Variants in TFAP4 observed in about 807,000 individuals in gnomAD.
The protein encoded by TFAP4 is activating enhancer-binding protein 4.
TFAP4 carries 7 observed loss-of-function variants against 40.4 expected under a neutral mutation model. The observed-to-expected ratio is 0.17, with a 90% CI of 0.10 to 0.33. The LOEUF (loss-of-function observed/expected upper bound fraction) is 0.33, where lower values mean the gene tolerates loss of function less well. Ranked by LOEUF, TFAP4 falls within the 10% of genes least tolerant of loss-of-function variation. TFAP4 has a pLI of 1.00. For missense variants in TFAP4, 374 were observed against 451.1 expected (o/e 0.83, Z 1.55); for synonymous variants, 218 against 181.4 (o/e 1.20, Z -1.62).
rs2052934617 is a variant in TFAP4, at chr16:4,260,252, G to C, written c.667-7C>G. On this transcript the variant is annotated splice_polypyrimidine_tract_variant and splice_region_variant and intron_variant, in intron 5 of 6. Coordinates refer to ENST00000204517, the MANE Select transcript of TFAP4 (RefSeq NM_003223.3). ...GGGCCGGAGGGGGCAGAAGCTGCAAGACAGAGGCCCTCAGCCTTTCTCTCA... is the reference window on the plus strand; with the variant it reads ...GGGCCGGAGGGGGCAGAAGCTGCAACACAGAGGCCCTCAGCCTTTCTCTCA... 1 of 1,559,886 alleles carries C rather than the reference G, an allele frequency of 6.4e-7. No individual in the cohort carries two copies. The highest frequency in any genetic ancestry group is 8.7e-7 in the Non-Finnish European group (1 of 1,155,604).
intron 1 of TFAP4, among the ~76,000 whole-genome samples, chr16:4,269,320 T>A (rs577731499): frequency 4.0e-4 from 60 of 149,156 alleles, no homozygotes; most frequent in Admixed American, 1.1e-3. Flanking sequence ...AGTGAAAGCC[T>A]GTCTCTAATT....
chr16:4,258,467 G>A, intron 6 of TFAP4: 1 of 496,146 alleles, frequency 2.0e-6, no homozygotes, highest in Non-Finnish European at 3.6e-6. Flanking sequence ...AGGCTAGAGT[G>A]CAGTGGCATG....
intron 1 of TFAP4, among the ~76,000 whole-genome samples, chr16:4,270,912 G>A (rs1350748469): frequency 1.3e-5 from 2 of 152,228 alleles, no homozygotes; most frequent in African/African-American, 2.4e-5. Flanking sequence ...ACCACCTGCT[G>A]TAGTGGTCCC....
In TFAP4 at chr16:4,272,750, G is replaced by T; in HGVS notation, c.-4C>A. The T allele has an allele frequency of 6.2e-7, 1 of 1,612,962 alleles. No individual in the cohort carries two copies. The highest frequency in any genetic ancestry group is 8.5e-7 in the Non-Finnish European group (1 of 1,179,272). On this transcript the variant is annotated 5_prime_UTR_variant, in exon 1 of 7. Coordinates refer to ENST00000204517, the MANE Select transcript of TFAP4 (RefSeq NM_003223.3). ...TGGGCACCATGAAATACTCCATAGC[G>T]ATCGGCCCCCCTCCTCTGCACGAGC...
chr16:4,258,013 T>C lies in TFAP4; in HGVS notation c.*42A>G. 6.3e-7 allele frequency: 1 copy of C among 1,577,604 alleles called. No homozygotes were observed. Among genetic ancestry groups the C allele is most frequent in the Non-Finnish European group, 8.6e-7 (1 of 1,161,686 alleles). On this transcript the variant is annotated 3_prime_UTR_variant, in exon 7 of 7. Transcript: ENST00000204517. ...TGTCTCTCCCTGTGGCTGCCCCGGC[T>C]CCCTCCAGCCCCCAGAAGGGAGAGG... is the stretch of plus-strand genomic sequence containing the variant.
rs754834764 is a variant in TFAP4, at chr16:4,258,258, G to C, written c.823-9C>G. 6.4e-7 allele frequency: 1 copy of C among 1,567,234 alleles called. No individual in the cohort carries two copies. Among genetic ancestry groups the C allele is most frequent in the East Asian group, 2.3e-5 (1 of 43,950 alleles). Reference sequence around the variant, plus strand: ...TCGATGTGCTGGATTGCCTGGACAGGGACGAACCACTGAGAAGGCTCGGCC... The same window carrying C: ...TCGATGTGCTGGATTGCCTGGACAGCGACGAACCACTGAGAAGGCTCGGCC... On this transcript the variant is annotated splice_polypyrimidine_tract_variant and intron_variant, in intron 6 of 6. Coordinates refer to ENST00000204517, the MANE Select transcript of TFAP4 (RefSeq NM_003223.3).
At chr16:4,271,650 C>A (rs545997819) in intron 1 of TFAP4, among the ~76,000 whole-genome samples, 41 of 152,292 alleles carry the variant, frequency 2.7e-4, no homozygotes, top group African/African-American at 8.7e-4. Flanking sequence ...GGACCTCGGG[C>A]CACCCACCCG....
chr16:4,260,224 T>TGGGGCCCCTCCCCGGGGGGGGGGGGGGGG lies in TFAP4; in HGVS notation c.687_688insCCCCCCCCCCCCCCCCGGGGAGGGGCCCC (p.Thr230ProfsTer16). The stretch of plus-strand genomic sequence containing the variant: ...GGCACGATCACCGTGGGGTGGTGGG[T>TGGGGCCCCTCCCCGGGGGGGGGGGGGGGG]GGGGGCCGGAGGGGGCAGAAGCTGC... On this transcript the variant is annotated frameshift_variant, in exon 6 of 7. Transcript: ENST00000204517. LOFTEE classifies it high-confidence loss of function. 4.5e-6 allele frequency: 1 copy of TGGGGCCCCTCCCCGGGGGGGGGGGGGGGG among 223,764 alleles called. No individual in the cohort carries two copies. 13.9% of individuals were successfully genotyped at this position (223,764 alleles called of 1,614,324 possible).
intron 4 of TFAP4, 146 bp from the exon 5 acceptor site, chr16:4,260,741 TTCAGCCC>T: frequency 1.1e-6 from 1 of 917,766 alleles, no homozygotes; most frequent in Non-Finnish European, 1.5e-6. Context: ...TCCAGAGCCC[TTCAGCCC>T]CCGGCTCCTC....
In TFAP4 at chr16:4,257,972, C is replaced by A; in HGVS notation, c.*83G>T. 1 of 1,335,052 alleles carries A rather than the reference C, an allele frequency of 7.5e-7. No individual in the cohort carries two copies. The highest frequency in any genetic ancestry group is 1.3e-5 in the South Asian group (1 of 75,928). 82.7% of individuals were successfully genotyped at this position (1,335,052 alleles called of 1,614,324 possible). A position where few individuals can be genotyped will look rare whatever the true frequency, so the allele number is the denominator to read the frequency against. On this transcript the variant is annotated 3_prime_UTR_variant, in exon 7 of 7. Coordinates refer to ENST00000204517, the MANE Select transcript of TFAP4 (RefSeq NM_003223.3). Reference sequence around the variant, plus strand: ...TGACATCGTAATTTTGTAAAAATTTCTCACTCATTCGCCCATGTCTCTCCC... The same window carrying A: ...TGACATCGTAATTTTGTAAAAATTTATCACTCATTCGCCCATGTCTCTCCC...
chr16:4,260,012 C>T (rs2052930928), intron 6 of TFAP4, 78 bp downstream of exon 6: 1 of 1,482,988 alleles, frequency 6.7e-7, no homozygotes, highest in Non-Finnish European at 9.0e-7. Flanking sequence ...GCTTCTGCCC[C>T]TCTTTTCCAG....
Position 4,260,669 on chromosome 16 carries a change from A to G in TFAP4, c.526-74T>C, listed in dbSNP as rs1055946615. On this transcript the variant is annotated intron_variant, in intron 4 of 6. Transcript: ENST00000204517. Reference sequence around the variant, plus strand: ...TGCCCTGTCAGTCTCACAGCAGCTCATTCACTCCTGCTGAAAACCCTAGCA... The same window carrying G: ...TGCCCTGTCAGTCTCACAGCAGCTCGTTCACTCCTGCTGAAAACCCTAGCA... The G allele has an allele frequency of 2.7e-6, 4 of 1,469,986 alleles. No homozygotes were observed. In the Admixed American group the frequency reaches 9.0e-5, roughly 33 times the overall value. 91.1% of individuals were successfully genotyped at this position (1,469,986 alleles called of 1,614,324 possible).
At chr16:4,258,380 G>A (rs895539124) in intron 6 of TFAP4, 131 bp from the exon 7 acceptor site, 1 of 832,286 alleles carries the variant, frequency 1.2e-6, no homozygotes, top group Admixed American at 2.9e-5. Flanking sequence ...CAAAGCAGCA[G>A]GGGAGGCCCG....
intron 4 of TFAP4, 46 bp from the exon 5 acceptor site, chr16:4,260,641 C>A (rs753032523): frequency 2.0e-6 from 3 of 1,537,968 alleles, no homozygotes; most frequent in Non-Finnish European, 2.6e-6. Flanking sequence ...CGGGAGCACA[C>A]CCTGCCCTGT....
chr16:4,270,618 C>T (rs766544870), intron 1 of TFAP4, among the ~76,000 whole-genome samples: 2 of 152,258 alleles, frequency 1.3e-5, no homozygotes, highest in Non-Finnish European at 2.9e-5. Context: ...AGGCCCTACA[C>T]CTTCAAGTCC....
chr16:4,272,988 G>C lies in TFAP4; in HGVS notation c.-242C>G, dbSNP rs891167696. On this transcript the variant is annotated 5_prime_UTR_variant, in exon 1 of 7. Coordinates refer to ENST00000204517, the MANE Select transcript of TFAP4 (RefSeq NM_003223.3). ...TGTGTGTGTGTGTGTGTGTGTGTGT[G>C]TGTGTGTGTGTGTGTTTGCAGCTGA... 1.6e-5 allele frequency: 8 copies of C among 493,028 alleles called. No individual in the cohort carries two copies. The South Asian group carries it at 2.1e-4, about 13-fold the overall frequency. 30.5% of individuals were successfully genotyped at this position (493,028 alleles called of 1,614,324 possible).
chr16:4,262,489 C>A (rs371334031), intron 2 of TFAP4, 47 bp downstream of exon 2: 3 of 1,613,270 alleles, frequency 1.9e-6, no homozygotes, highest in South Asian at 1.1e-5. Context: ...CCTCTCCCAG[C>A]GGGAACCTGC....
At chr16:4,262,835 T>A in intron 1 of TFAP4, 134 bp from the exon 2 acceptor site, 1 of 1,027,886 alleles carries the variant, frequency 9.7e-7, no homozygotes, top group East Asian at 2.5e-5. Context: ...GATGGAGGGG[T>A]GCTCTCTGGG....
intron 1 of TFAP4, among the ~76,000 whole-genome samples, chr16:4,271,833 C>T (rs1597316803): frequency 6.6e-6 from 1 of 152,334 alleles, no homozygotes; most frequent in South Asian, 2.1e-4. Context: ...ATCGTGCCCG[C>T]GGGGGCCGAG....
Sources: allele counts gnomAD v4.1 joint callset (sites outside exome capture counted in the v4.1 genomes callset), GRCh38; gene constraint gnomAD v4.1.1; transcripts MANE v1.5; gene names NCBI Gene and HGNC (gene_info 2026-07-23, HGNC 2026-07-21).